Variants in PRH1 observed in about 807,000 individuals in gnomAD.
PRH1 encodes salivary acidic proline-rich phosphoprotein 1/2.
Under a neutral mutation model 7.9 loss-of-function variants are expected in PRH1, and 7 were observed. That is an observed-to-expected ratio of 0.89 (90% CI 0.50 to 1.67). PRH1 has a LOEUF of 1.67. Ranked by LOEUF, PRH1 falls within the 40% of genes most tolerant of loss-of-function variation. The pLI, the probability that PRH1 is intolerant of heterozygous loss-of-function variation, is 0.00. For missense variants in PRH1, 109 were observed against 223.6 expected (o/e 0.49, Z 3.27); for synonymous variants, 45 against 80.8 (o/e 0.56, Z 2.38).
At chr12:11,035,505 T>A (rs1942399013) in intron 1 of PRH1, among the ~76,000 whole-genome samples, 1 of 152,214 alleles carries the variant, frequency 6.6e-6, no homozygotes, top group African/African-American at 2.4e-5. Context: ...TTGTTCTCCT[T>A]ATATAAATCA....
chr12:11,165,233 A>G (rs1947538753), intron 1 of PRH1, among the ~76,000 whole-genome samples: 1 of 152,192 alleles, frequency 6.6e-6, no homozygotes, highest in African/African-American at 2.4e-5. Context: ...CCAGTAATGT[A>G]TGAGGATTCT....
intron 1 of PRH1, among the ~76,000 whole-genome samples, chr12:10,989,044 G>A (rs1939795017): frequency 1.3e-5 from 2 of 152,108 alleles, no homozygotes; most frequent in African/African-American, 4.8e-5. Context: ...CTGACCTCAG[G>A]TGATCCACCC....
intron 1 of PRH1, chr12:11,133,379 A>C: frequency 1.2e-6 from 2 of 1,613,492 alleles, no homozygotes; most frequent in South Asian, 1.1e-5. Flanking sequence ...TGAAAGAAAA[A>C]TCTGCTTTAG....
intron 1 of PRH1, among the ~76,000 whole-genome samples, chr12:11,127,810 ATACTC>A (rs1946185396): frequency 6.6e-6 from 1 of 152,266 alleles, no homozygotes; most frequent in Admixed American, 6.5e-5. Context: ...TTTAATTAAA[ATACTC>A]AACTATTTTG....
intron 1 of PRH1, among the ~76,000 whole-genome samples, chr12:11,139,526 C>T (rs1281174837): frequency 6.6e-6 from 1 of 152,138 alleles, no homozygotes; most frequent in Admixed American, 6.5e-5. Context: ...CTTGATAATT[C>T]CTTTCACATC....
At chr12:10,938,919 C>A (rs759156020) in intron 2 of PRH1, 1 of 1,613,950 alleles carries the variant, frequency 6.2e-7, no homozygotes, top group South Asian at 1.1e-5. Flanking sequence ...GCTAACCAGA[C>A]ACTAAAATGA....
At chr12:11,081,696 C>T (rs1423001324) in intron 1 of PRH1, among the ~76,000 whole-genome samples, 32 of 104,066 alleles carry the variant, frequency 3.1e-4, no homozygotes, top group East Asian at 4.6e-4. Context: ...ATATATTTCA[C>T]CAACCACAGC....
intron 2 of PRH1, chr12:10,964,960 C>T (rs1466438668): frequency 3.1e-6 from 2 of 645,206 alleles, no homozygotes; most frequent in Admixed American, 2.1e-5. Context: ...CCAATAGTAT[C>T]ACTGGAATGA....
chr12:11,134,113 A>C, intron 1 of PRH1: 1 of 1,614,188 alleles, frequency 6.2e-7, no homozygotes, highest in Non-Finnish European at 8.5e-7. Flanking sequence ...GAATTTGGTC[A>C]ACAAAGGAGA....
intron 1 of PRH1, among the ~76,000 whole-genome samples, chr12:11,110,680 T>C (rs1592033064): frequency 6.6e-6 from 1 of 152,154 alleles, no homozygotes; most frequent in Non-Finnish European, 1.5e-5. Flanking sequence ...GAAAAACCAG[T>C]ACCAGCCACT....
downstream of PRH1, among the ~76,000 whole-genome samples, chr12:11,117,355 CAA>C (rs1945760039): frequency 6.6e-6 from 1 of 151,658 alleles, no homozygotes; most frequent in African/African-American, 2.4e-5. Context: ...TTAACTCAGC[CAA>C]AGAGATGAAA....
upstream of PRH1, chr12:11,171,496 T>C: frequency 3.2e-6 from 4 of 1,232,366 alleles, no homozygotes; most frequent in Non-Finnish European, 4.0e-6. Flanking sequence ...CAGCTGCGCA[T>C]GAACTTCCCG....
chr12:10,965,417 T>G, intron 2 of PRH1: 1 of 651,548 alleles, frequency 1.5e-6, no homozygotes. Flanking sequence ...TCCTTTAATA[T>G]CCTGACCTTA....
intron 2 of PRH1, among the ~76,000 whole-genome samples, chr12:10,958,673 A>C (rs1270364693): frequency 6.6e-6 from 1 of 152,212 alleles, no homozygotes; most frequent in South Asian, 2.1e-4. Flanking sequence ...TTCAGTGTTG[A>C]TATCTGAGAA....
chr12:11,116,412 AAAAACAAAAC>A (rs750679471), downstream of PRH1, among the ~76,000 whole-genome samples: 4 of 152,070 alleles, frequency 2.6e-5, no homozygotes, highest in East Asian at 1.9e-4. Context: ...CCACTTTAGA[AAAAACAAAAC>A]AAAACAAAAC....
At chr12:11,044,659 A>C (rs558290580) in intron 1 of PRH1, among the ~76,000 whole-genome samples, 1 of 152,334 alleles carries the variant, frequency 6.6e-6, no homozygotes, top group African/African-American at 2.4e-5. Flanking sequence ...ATTTCTCAAA[A>C]GAAGATATAC....
chr12:11,100,570 G>C (rs1945204590), intron 1 of PRH1, among the ~76,000 whole-genome samples: 1 of 152,154 alleles, frequency 6.6e-6, no homozygotes, highest in South Asian at 2.1e-4. Flanking sequence ...ATTTTAAGCT[G>C]TTTTTATTAG....
At chr12:11,106,264 T>C (rs572100792) in intron 1 of PRH1, among the ~76,000 whole-genome samples, 1 of 152,090 alleles carries the variant, frequency 6.6e-6, no homozygotes, top group Non-Finnish European at 1.5e-5. Flanking sequence ...AGAAGCTCAT[T>C]AATACAAACA....
chr12:10,886,945 G>A (rs922056070), upstream of PRH1, among the ~76,000 whole-genome samples: 1 of 152,138 alleles, frequency 6.6e-6, no homozygotes, highest in Non-Finnish European at 1.5e-5. Context: ...TCTTGGTAAT[G>A]TTCTTCCCCC....
Sources: allele counts gnomAD v4.1 joint callset (sites outside exome capture counted in the v4.1 genomes callset), GRCh38; gene constraint gnomAD v4.1.1; transcripts MANE v1.5; gene names NCBI Gene and HGNC (gene_info 2026-07-23, HGNC 2026-07-21).